Variants in ASB3 observed in about 807,000 individuals in gnomAD.
ASB3 encodes the protein ankyrin repeat and SOCS box protein 3.
ASB3 carries 41 observed loss-of-function variants against 54.5 expected under a neutral mutation model. That is an observed-to-expected ratio of 0.75 (90% CI 0.59 to 0.98). ASB3 has a LOEUF of 0.98. ASB3 is among the 50% of genes least tolerant of loss of function. The pLI is 0.00. For missense variants in ASB3, 733 were observed against 620.0 expected (o/e 1.18, Z -1.94); for synonymous variants, 266 against 221.2 (o/e 1.20, Z -1.80).
At chr2:53,733,801 G>A (rs1381445658) in intron 3 of ASB3, among the ~76,000 whole-genome samples, 3 of 152,186 alleles carry the variant, frequency 2.0e-5, no homozygotes, top group Non-Finnish European at 2.9e-5. Context: ...GGTGTGGAGT[G>A]GGAAATCAGG....
Position 53,759,747 on chromosome 2 carries a change from C to T in ASB3, c.196+5630G>A, listed in dbSNP as rs184617331. Among the ~76,000 whole-genome samples the T allele has an allele frequency of 1.1e-4, 16 of 152,340 alleles. No individual in the cohort carries two copies. In the East Asian group the frequency reaches 2.3e-3, roughly 22 times the overall value. On this transcript the variant is annotated intron_variant, in intron 2 of 9. Transcript: ENST00000263634. Reference sequence around the variant, plus strand: ...TCCGAATAGAAATAAGCCTCCCCCTCGTCCATGCCCCTTATGTCAAGGGAA... The same window carrying T: ...TCCGAATAGAAATAAGCCTCCCCCTTGTCCATGCCCCTTATGTCAAGGGAA...
intron 3 of ASB3, among the ~76,000 whole-genome samples, chr2:53,736,017 A>T (rs1671608836): frequency 6.6e-6 from 1 of 151,860 alleles, no homozygotes; most frequent in Admixed American, 6.6e-5. Context: ...AAAAAAAAGA[A>T]AGGAAAAATC....
chr2:53,739,111 G>T (rs3770398), intron 3 of ASB3, among the ~76,000 whole-genome samples: 2 of 152,052 alleles, frequency 1.3e-5, no homozygotes, highest in Non-Finnish European at 2.9e-5. Flanking sequence ...ATAATTTCTA[G>T]GGAGACATTT....
chr2:53,784,885 C>T (rs1674851967), intron 1 of ASB3, among the ~76,000 whole-genome samples: 1 of 152,174 alleles, frequency 6.6e-6, no homozygotes, highest in South Asian at 2.1e-4. Flanking sequence ...ACAACACCCC[C>T]TACAATCAAT....
intron 7 of ASB3, among the ~76,000 whole-genome samples, chr2:53,708,138 A>G (rs1040374883): frequency 2.6e-5 from 4 of 152,108 alleles, no homozygotes; most frequent in Non-Finnish European, 4.4e-5. Flanking sequence ...TGACTGGATC[A>G]TGGGGATGGG....
chr2:53,712,449 C>CT (rs1484828732), intron 7 of ASB3, among the ~76,000 whole-genome samples: 1 of 152,144 alleles, frequency 6.6e-6, no homozygotes. Context: ...AAAAAAGGGT[C>CT]TGCCCCCTAA....
intron 8 of ASB3, among the ~76,000 whole-genome samples, chr2:53,694,754 A>G (rs17045116): frequency 0.13 from 19,662 of 152,146 alleles, 1,232 homozygotes; most frequent in East Asian, 0.18. Flanking sequence ...AGGTTGCCTG[A>G]ATTATTTAAA....
rs368420163 is a variant in ASB3, at chr2:53,750,290, G to A, written c.355+493C>T. On this transcript the variant is annotated intron_variant, in intron 3 of 9. Coordinates refer to ENST00000263634, the MANE Select transcript of ASB3 (RefSeq NM_016115.5). ...GAAAGCCATTTAGAATTTGGCTGTC[G>A]TCCTTAAGGAATTAAAAAACAGTCT... 1.7e-4 allele frequency among the ~76,000 whole-genome samples: 26 copies of A among 152,194 alleles called. No individual in the cohort carries two copies. In the East Asian group the frequency reaches 1.7e-3, roughly 10 times the overall value.
chr2:53,671,330 C>G (rs993257755), intron 9 of ASB3, among the ~76,000 whole-genome samples: 1 of 150,956 alleles, frequency 6.6e-6, no homozygotes, highest in African/African-American at 2.4e-5. Context: ...AGGATTCAAA[C>G]TCAGATCTAT....
chr2:53,685,667 C>A (rs1485377357), intron 9 of ASB3, among the ~76,000 whole-genome samples: 1 of 152,198 alleles, frequency 6.6e-6, no homozygotes. Context: ...TGGCAAGTGA[C>A]TCTTTCTCGA....
At chr2:53,784,432 C>A (rs145657196) in intron 1 of ASB3, among the ~76,000 whole-genome samples, 108 of 152,284 alleles carry the variant, frequency 7.1e-4, no homozygotes, top group African/African-American at 2.5e-3. Context: ...CTTCCTGAGG[C>A]TGCTGTAACA....
chr2:53,752,044 A>G (rs1672542671), intron 2 of ASB3, among the ~76,000 whole-genome samples: 1 of 152,248 alleles, frequency 6.6e-6, no homozygotes, highest in African/African-American at 2.4e-5. Flanking sequence ...TACAAATGAC[A>G]TGAAAACCTA....
chr2:53,721,047 G>A (rs550431824), intron 5 of ASB3, among the ~76,000 whole-genome samples: 3 of 151,152 alleles, frequency 2.0e-5, no homozygotes, highest in African/African-American at 2.4e-5. Context: ...TGAACCAGGA[G>A]GGGGAGGTTG....
intron 3 of ASB3, among the ~76,000 whole-genome samples, chr2:53,740,235 T>C (rs924403663): frequency 1.4e-4 from 22 of 152,256 alleles, no homozygotes; most frequent in African/African-American, 5.3e-4. Flanking sequence ...AATTGAACAG[T>C]AAAATTATTT....
intron 7 of ASB3, among the ~76,000 whole-genome samples, chr2:53,701,133 C>G (rs1214113241): frequency 5.9e-5 from 9 of 152,112 alleles, no homozygotes; most frequent in African/African-American, 2.2e-4. Context: ...GCCACCATGC[C>G]TGGCTAATTT....
rs758699511 is a variant in ASB3, at chr2:53,724,655, T to A, written c.604+4057A>T. 2.0e-5 allele frequency among the ~76,000 whole-genome samples: 3 copies of A among 149,250 alleles called. 1 individual carries two copies. The highest frequency in any genetic ancestry group is 4.9e-5 in the African/African-American group (2 of 40,892). ...AAAAGATACTTCTCAAAAGAAGACA[T>A]AGAAGCAGCCAACAAACACATGAAG... On this transcript the variant is annotated intron_variant, in intron 5 of 9. Transcript: ENST00000263634.
intron 3 of ASB3, among the ~76,000 whole-genome samples, chr2:53,745,414 C>A (rs1672169772): frequency 6.6e-6 from 1 of 152,314 alleles, no homozygotes; most frequent in South Asian, 2.1e-4. Flanking sequence ...CATTTTGATT[C>A]CTACTGCCAT....
At position 53,707,974 on chromosome 2, in the gene ASB3, A is replaced by AAAAAG. The variant is rs1481893489; in HGVS notation, c.980+6409_980+6410insCTTTT. Among the ~76,000 whole-genome samples, 999 of 149,284 alleles carry AAAAAG rather than the reference A, an allele frequency of 6.7e-3. 5 individuals carry two copies. The highest frequency in any genetic ancestry group is 0.014 in the African/African-American group (555 of 39,282). The stretch of plus-strand genomic sequence containing the variant: ...CAGACTCTGTCTCAAAAAAAAAAAA[A>AAAAAG]AAAGAAAGAAAGAAAGAAAAGAAAA... On this transcript the variant is annotated intron_variant, in intron 7 of 9. Transcript: ENST00000263634.
At chr2:53,718,151 G>C (rs1301621331) in intron 5 of ASB3, among the ~76,000 whole-genome samples, 1 of 152,174 alleles carries the variant, frequency 6.6e-6, no homozygotes, top group Non-Finnish European at 1.5e-5. Flanking sequence ...CCCTAATCTT[G>C]CCAGAGAGGA....
Sources: allele counts gnomAD v4.1 joint callset (sites outside exome capture counted in the v4.1 genomes callset), GRCh38; gene constraint gnomAD v4.1.1; transcripts MANE v1.5; gene names NCBI Gene and HGNC (gene_info 2026-07-23, HGNC 2026-07-21).